Variants in TCF25 observed in about 807,000 individuals in gnomAD.
The protein encoded by TCF25 is ribosome quality control complex subunit TCF25.
Under a neutral mutation model 83.1 loss-of-function variants are expected in TCF25, and 41 were observed. The ratio of observed to expected loss-of-function variants is 0.49; its 90% CI spans 0.38 to 0.64. The LOEUF (loss-of-function observed/expected upper bound fraction) is 0.64. TCF25 is among the 30% of genes least tolerant of loss of function. TCF25 has a pLI of 0.00. For synonymous variants in TCF25, 458 were observed against 365.0 expected (o/e 1.25, Z -2.90); for missense variants, 979 against 914.5 (o/e 1.07, Z -0.91).
intron 11 of TCF25, among the ~76,000 whole-genome samples, chr16:89,899,329 T>C (rs1254223177): frequency 1.3e-5 from 2 of 152,214 alleles, no homozygotes; most frequent in African/African-American, 4.8e-5. Flanking sequence ...ACTTGAGCTC[T>C]GTCCCCAGTA....
intron 1 of TCF25, among the ~76,000 whole-genome samples, chr16:89,881,833 C>T (rs1390010388): frequency 6.6e-6 from 1 of 152,174 alleles, no homozygotes; most frequent in Non-Finnish European, 1.5e-5. Flanking sequence ...TGGCTCGCTG[C>T]AACCTCTGCC....
At chr16:89,888,602 A>AT (rs1266473057) in intron 5 of TCF25, among the ~76,000 whole-genome samples, 3 of 151,596 alleles carry the variant, frequency 2.0e-5, no homozygotes, top group South Asian at 4.2e-4. Context: ...AAAAAAAAAA[A>AT]GATTCTAGTT....
Position 89,895,157 on chromosome 16 carries a change from C to CCATTCCCCTCAGCTGTGGG in TCF25, c.928+21_928+39dup, listed in dbSNP as rs940098954. The CCATTCCCCTCAGCTGTGGG allele has an allele frequency of 6.2e-7, 1 of 1,606,326 alleles. No individual in the cohort carries two copies. Among genetic ancestry groups the CCATTCCCCTCAGCTGTGGG allele is most frequent in the African/African-American group, 1.3e-5 (1 of 74,796 alleles). Reference sequence around the variant, plus strand: ...TCGTAGGTAAGGCAGAGCCCCCACCCCATTCCCCTCAGCTGTGGGAGCACC... The same window carrying CCATTCCCCTCAGCTGTGGG: ...TCGTAGGTAAGGCAGAGCCCCCACCCCATTCCCCTCAGCTGTGGGCATTCCCCTCAGCTGTGGGAGCACC... On this transcript the variant is annotated intron_variant, in intron 8 of 17. Transcript: ENST00000263346.
chr16:89,901,137 G>A (rs112089606), intron 12 of TCF25: 31 of 219,598 alleles, frequency 1.4e-4, no homozygotes, highest in Middle Eastern at 1.7e-3. Flanking sequence ...CGGCAGCGCC[G>A]AGGTGTGGCC....
In TCF25 at chr16:89,898,585, A is replaced by C. The variant is rs201742447; in HGVS notation, c.1051A>C (p.Met351Leu). ...CTTCTACCTGGCCCTCTACAAGCAG[A>C]TGAGCTTCCTGGAGAAGCGAGGCTG... ...RSFYLALYKQ[M>L]SFLEKRGCPR... Residue 351 changes from methionine to leucine, a missense_variant, in exon 10 of 18, where the codon ATG becomes CTG. Coordinates refer to ENST00000263346, the MANE Select transcript of TCF25 (RefSeq NM_014972.3). 3 of 1,613,286 alleles carry C rather than the reference A, an allele frequency of 1.9e-6. No individual in the cohort carries two copies. In the East Asian group the frequency reaches 6.7e-5, roughly 36 times the overall value.
At position 89,883,528 on chromosome 16, in the gene TCF25, G is replaced by A; in HGVS notation, c.354+16G>A. ...CTCAGAGCAGGTGGGGGGCTGAGTG[G>A]TGAGGAGGTGGCATCAGACGGGAGA... On this transcript the variant is annotated intron_variant, in intron 2 of 17. Coordinates refer to ENST00000263346, the MANE Select transcript of TCF25 (RefSeq NM_014972.3). 1.3e-6 allele frequency: 2 copies of A among 1,583,266 alleles called. No individual in the cohort carries two copies. Among genetic ancestry groups the A allele is most frequent in the Non-Finnish European group, 1.7e-6 (2 of 1,164,658 alleles).
At chr16:89,875,820 C>CT (rs1164528945) in intron 1 of TCF25, among the ~76,000 whole-genome samples, 7,035 of 64,746 alleles carry the variant, frequency 0.11, 1,478 homozygotes, top group East Asian at 0.2. Flanking sequence ...CTGCGCCTGG[C>CT]TTTTTTTTTT....
intron 9 of TCF25, among the ~76,000 whole-genome samples, chr16:89,897,151 C>G (rs2043926197): frequency 6.6e-6 from 1 of 152,224 alleles, no homozygotes; most frequent in South Asian, 2.1e-4. Context: ...AGTTTAGAAG[C>G]TTTGGAAGGC....
Position 89,883,344 on chromosome 16 carries a change from T to C in TCF25, c.193-7T>C. On this transcript the variant is annotated splice_region_variant and splice_polypyrimidine_tract_variant and intron_variant, in intron 1 of 17. Transcript: ENST00000263346. Reference sequence around the variant, plus strand: ...CGCCCTGGCTCTTCTCCAACCTGTTTTTCCAGATAAACATTGACGATCTTG... The same window carrying C: ...CGCCCTGGCTCTTCTCCAACCTGTTCTTCCAGATAAACATTGACGATCTTG... 6.2e-7 allele frequency: 1 copy of C among 1,612,320 alleles called. No individual in the cohort carries two copies. The highest frequency in any genetic ancestry group is 8.5e-7 in the Non-Finnish European group (1 of 1,178,502).
intron 12 of TCF25, among the ~76,000 whole-genome samples, chr16:89,901,650 C>T (rs2044345157): frequency 2.6e-5 from 2 of 76,298 alleles, no homozygotes; most frequent in African/African-American, 4.9e-5. Context: ...GAGGCTGAGG[C>T]AGGAGAATGG....
chr16:89,893,948 C>T, intron 7 of TCF25, 90 bp downstream of exon 7: 1 of 1,522,284 alleles, frequency 6.6e-7, no homozygotes, highest in South Asian at 1.2e-5. Context: ...CTGGGGGAGG[C>T]ATGCTGCCTC....
At chr16:89,887,585 C>G (rs2043112523) in intron 4 of TCF25, 67 bp from the exon 5 acceptor site, 6 of 1,456,276 alleles carry the variant, frequency 4.1e-6, no homozygotes, top group African/African-American at 1.4e-5. Flanking sequence ...AGGTGGCTTT[C>G]TGAAGCTTTT....
At chr16:89,875,067 C>G (rs1011794057) in intron 1 of TCF25, among the ~76,000 whole-genome samples, 1 of 151,970 alleles carries the variant, frequency 6.6e-6, no homozygotes, top group Admixed American at 6.5e-5. Flanking sequence ...TGGCACAATC[C>G]TAGCTCACTG....
At position 89,885,893 on chromosome 16, in the gene TCF25, G is replaced by A. The variant is rs1240437212; in HGVS notation, c.475G>A (p.Asp159Asn). Residue 159 changes from aspartate (D) to asparagine (N), a missense_variant, in exon 4 of 18, where the codon GAC becomes AAC. Transcript: ENST00000263346. ...DIDRILERIE[D>N]STGLNRPGPA... ...CGATCGCATCCTAGAGAGGATTGAG[G>A]ACAGCACTGGGTTGAACCGTCCCGG... is the stretch of plus-strand genomic sequence containing the variant. 6.2e-7 allele frequency: 1 copy of A among 1,614,124 alleles called. No homozygotes were observed. Among genetic ancestry groups the A allele is most frequent in the African/African-American group, 1.3e-5 (1 of 75,008 alleles).
intron 3 of TCF25, 69 bp downstream of exon 3, chr16:89,884,725 TCTCC>T: frequency 7.0e-7 from 1 of 1,436,384 alleles, no homozygotes; most frequent in Non-Finnish European, 9.4e-7. Context: ...CCTGACGCCC[TCTCC>T]CTCTGCCTGA....
intron 16 of TCF25, among the ~76,000 whole-genome samples, chr16:89,907,914 T>C (rs1420738026): frequency 9.3e-6 from 1 of 107,478 alleles, no homozygotes; most frequent in Non-Finnish European, 1.8e-5. Context: ...ACCTCCCAGC[T>C]CCTGCCTCCC....
intron 16 of TCF25, chr16:89,909,782 G>C (rs1178138594): frequency 6.6e-6 from 1 of 152,444 alleles, no homozygotes; most frequent in Non-Finnish European, 1.5e-5. Flanking sequence ...AGGGGAGAGG[G>C]TCCTTGTGTT....
At chr16:89,877,439 A>G (rs968792535) in intron 1 of TCF25, among the ~76,000 whole-genome samples, 1 of 152,192 alleles carries the variant, frequency 6.6e-6, no homozygotes, top group Non-Finnish European at 1.5e-5. Flanking sequence ...CTGGCCTAGA[A>G]TCTTTTCTGA....
chr16:89,898,071 T>G (rs1432079298), intron 9 of TCF25, among the ~76,000 whole-genome samples: 4 of 151,106 alleles, frequency 2.6e-5, no homozygotes. Flanking sequence ...ATAGCGCCAC[T>G]GCACTCCAGC....
Sources: allele counts gnomAD v4.1 joint callset (sites outside exome capture counted in the v4.1 genomes callset), GRCh38; gene constraint gnomAD v4.1.1; transcripts MANE v1.5; gene names NCBI Gene and HGNC (gene_info 2026-07-23, HGNC 2026-07-21).